Variants in RAB11FIP4 observed in about 807,000 individuals in gnomAD.
The protein encoded by RAB11FIP4 is rab11 family-interacting protein 4.
A neutral mutation model predicts 74.3 loss-of-function variants in RAB11FIP4; 23 were observed. That is an observed-to-expected ratio of 0.31 (90% confidence interval 0.22 to 0.44). RAB11FIP4 has a LOEUF of 0.44. Ranked by LOEUF, RAB11FIP4 falls within the 20% of genes least tolerant of loss-of-function variation. RAB11FIP4 has a pLI of 1.00. For synonymous variants in RAB11FIP4, 360 were observed against 359.9 expected, an observed-to-expected ratio of 1.00 and a Z score of 0.00; for missense variants, 630 against 863.9, an observed-to-expected ratio of 0.73 and a Z score of 3.39.
intron 1 of RAB11FIP4, among the ~76,000 whole-genome samples, chr17:31,410,412 G>A (rs548127362): frequency 1.3e-5 from 2 of 152,282 alleles, no homozygotes; most frequent in Non-Finnish European, 2.9e-5. Context: ...GTATTGCATA[G>A]TAGAAAATAG....
At chr17:31,400,513 G>A (rs549733004) in intron 1 of RAB11FIP4, among the ~76,000 whole-genome samples, 5 of 152,320 alleles carry the variant, frequency 3.3e-5, no homozygotes, top group South Asian at 4.1e-4. Context: ...GTTTAATGGG[G>A]ACCACCCTGG....
intron 3 of RAB11FIP4, among the ~76,000 whole-genome samples, chr17:31,511,408 A>C (rs149483943): frequency 2.5e-4 from 38 of 152,374 alleles, no homozygotes; most frequent in African/African-American, 8.9e-4. Flanking sequence ...TCAGACAGTC[A>C]GGCAGTGACC....
intron 3 of RAB11FIP4, among the ~76,000 whole-genome samples, chr17:31,482,749 G>T (rs1210937512): frequency 6.6e-6 from 1 of 152,182 alleles, no homozygotes; most frequent in East Asian, 1.9e-4. Flanking sequence ...CACCTGGGAT[G>T]AAAGCTGAGA....
intron 10 of RAB11FIP4, 189 bp downstream of exon 10, chr17:31,525,419 C>G: frequency 6.4e-6 from 4 of 624,216 alleles, no homozygotes; most frequent in South Asian, 4.1e-5. Context: ...TCAGGAAGTT[C>G]GCTAAGGAAT....
intron 3 of RAB11FIP4, among the ~76,000 whole-genome samples, chr17:31,453,250 C>G (rs1275544548): frequency 6.7e-6 from 1 of 149,266 alleles, no homozygotes; most frequent in African/African-American, 2.5e-5. Context: ...ACTCAGGAGG[C>G]TGAGGTGGGA....
At chr17:31,494,262 C>G (rs1342108964) in intron 3 of RAB11FIP4, among the ~76,000 whole-genome samples, 2 of 148,016 alleles carry the variant, frequency 1.4e-5, no homozygotes, top group African/African-American at 5.1e-5. Flanking sequence ...TATTTAATTT[C>G]TCTGTGCCTC....
At chr17:31,468,499 G>T (rs578156212) in intron 3 of RAB11FIP4, among the ~76,000 whole-genome samples, 28 of 152,264 alleles carry the variant, frequency 1.8e-4, no homozygotes, top group East Asian at 7.7e-4. Flanking sequence ...GTTGTGTGGG[G>T]CCTGAAGCTC....
chr17:31,524,040 GA>G (rs1439465207), intron 9 of RAB11FIP4, 44 bp downstream of exon 9: 21 of 1,407,014 alleles, frequency 1.5e-5, no homozygotes, highest in Non-Finnish European at 2.0e-5. Flanking sequence ...TGACGCTGGG[GA>G]ACAAAGGGGG....
At chr17:31,404,607 T>C (rs1458686418) in intron 1 of RAB11FIP4, among the ~76,000 whole-genome samples, 2 of 152,222 alleles carry the variant, frequency 1.3e-5, no homozygotes, top group African/African-American at 4.8e-5. Flanking sequence ...CCACCACCTC[T>C]AGGTTTTCTG....
chr17:31,454,160 T>C (rs1258335663), intron 3 of RAB11FIP4, among the ~76,000 whole-genome samples: 2 of 152,182 alleles, frequency 1.3e-5, no homozygotes, highest in Admixed American at 1.3e-4. Flanking sequence ...AGAGGGCAAA[T>C]GCTCCAACAT....
intron 3 of RAB11FIP4, among the ~76,000 whole-genome samples, chr17:31,445,558 A>T (rs1597920802): frequency 2.9e-4 from 4 of 13,762 alleles, no homozygotes; most frequent in Admixed American, 1.1e-3. Flanking sequence ...ATATATATAT[A>T]TATATATATA....
chr17:31,470,759 C>T (rs2071728855), intron 3 of RAB11FIP4, among the ~76,000 whole-genome samples: 1 of 152,208 alleles, frequency 6.6e-6, no homozygotes, highest in Non-Finnish European at 1.5e-5. Context: ...CAGATGTGAG[C>T]ACTGAGGCTC....
At chr17:31,426,593 C>CT (rs2071252164) in intron 1 of RAB11FIP4, among the ~76,000 whole-genome samples, 1 of 115,330 alleles carries the variant, frequency 8.7e-6, no homozygotes, top group Non-Finnish European at 1.7e-5. Flanking sequence ...TTTTCTTTTT[C>CT]TTTTCCTTTT....
chr17:31,490,965 GGGTCAGCTCTGCTGGCTCTT>G (rs1452790681), intron 3 of RAB11FIP4, among the ~76,000 whole-genome samples: 4 of 152,236 alleles, frequency 2.6e-5, no homozygotes, highest in African/African-American at 9.6e-5. Context: ...GTCTTCCTCT[GGGTCAGCTCTGCTGGCTCTT>G]GACTCAGGAA....
At chr17:31,514,316 G>A (rs2072506791) in intron 3 of RAB11FIP4, among the ~76,000 whole-genome samples, 1 of 152,238 alleles carries the variant, frequency 6.6e-6, no homozygotes, top group African/African-American at 2.4e-5. Context: ...CTCGGCCTCT[G>A]TGTCCTCGTG....
rs1399521697 is a variant in RAB11FIP4 at position 31,512,239 on chromosome 17, C to T, written c.337-5412C>T. 6.6e-6 allele frequency among the ~76,000 whole-genome samples: 1 copy of T among 152,162 alleles called. No individual in the cohort carries two copies. Among genetic ancestry groups the T allele is most frequent in the African/African-American group, 2.4e-5 (1 of 41,428 alleles). On this transcript the variant is annotated intron_variant, in intron 3 of 14. Coordinates refer to ENST00000621161, the MANE Select transcript of RAB11FIP4 (RefSeq NM_032932.6). This position sits in a 1 kb window ranked among gnomAD's most constrained non-coding sequence, Gnocchi z 4.1. The stretch of plus-strand genomic sequence containing the variant: ...CAGAATTTACGGCTCCTACCGTGAC[C>T]GACTCTCCGGTGTAAATTGTCACGT...
At position 31,519,820 on chromosome 17, in the gene RAB11FIP4, C is replaced by CCGTGCTGCT. The variant is rs2072628701; in HGVS notation, c.564-1335_564-1327dup. Among the ~76,000 whole-genome samples the CCGTGCTGCT allele has an allele frequency of 2.0e-5, 3 of 152,080 alleles. No individual in the cohort carries two copies. The South Asian group carries it at 6.3e-4, about 32-fold the overall frequency. On this transcript the variant is annotated intron_variant, in intron 4 of 14. Transcript: ENST00000621161. Reference sequence around the variant, plus strand: ...TGGGTCTGTGGATGGAGAAGAGGGGCCGTGCTGCTCGTGCTGCTCTCTGGG... The same window carrying CCGTGCTGCT: ...TGGGTCTGTGGATGGAGAAGAGGGGCCGTGCTGCTCGTGCTGCTCGTGCTGCTCTCTGGG...
Position 31,531,892 on chromosome 17 carries a change from A to T in RAB11FIP4, c.*160A>T. The T allele has an allele frequency of 1.6e-6, 1 of 625,152 alleles. No individual in the cohort carries two copies. Among genetic ancestry groups the T allele is most frequent in the Non-Finnish European group, 2.8e-6 (1 of 351,318 alleles). 38.7% of individuals were successfully genotyped at this position (625,152 alleles called of 1,614,324 possible). A position where few individuals can be genotyped will look rare whatever the true frequency, so the allele number is the denominator to read the frequency against. On this transcript the variant is annotated 3_prime_UTR_variant, in exon 15 of 15. Coordinates refer to ENST00000621161, the MANE Select transcript of RAB11FIP4 (RefSeq NM_032932.6). ...GTGTATATGTGGGGAGGCTGTGCAC[A>T]CGAGCGAGGGGTGAGTGGCCGTGGC...
chr17:31,522,118 C>T (rs779644132), intron 6 of RAB11FIP4, 69 bp downstream of exon 6: 722 of 1,595,138 alleles, frequency 4.5e-4, no homozygotes, highest in Non-Finnish European at 5.7e-4. Flanking sequence ...GGAGAAGCTA[C>T]GGGCATGGCG....
Sources: gnomAD v4.1 joint callset for allele counts (sites outside exome capture counted in the v4.1 genomes callset) on GRCh38, gnomAD v4.1.1 for gene constraint, Gnocchi (gnomAD v3.1) non-coding constraint, MANE v1.5 for transcripts, NCBI Gene and HGNC (gene_info 2026-07-23, HGNC 2026-07-21) for gene names.